SPAG6: variants seen among roughly 807,000 people sequenced by gnomAD.
SPAG6 encodes sperm associated antigen 6.
Under a neutral mutation model 58.5 loss-of-function variants are expected in SPAG6, and 49 were observed. That is an observed-to-expected ratio of 0.84 (90% CI 0.67 to 1.06). The LOEUF (loss-of-function observed/expected upper bound fraction) is 1.06, where lower values mean the gene tolerates loss of function less well. SPAG6 is among the 50% of genes least tolerant of loss of function. The pLI is 0.00. For missense variants in SPAG6, 560 were observed against 611.3 expected (o/e 0.92, Z 0.89); for synonymous variants, 233 against 225.6 (o/e 1.03, Z -0.29).
intron 4 of SPAG6, among the ~76,000 whole-genome samples, chr10:22,369,523 A>G (rs1369771514): frequency 6.6e-6 from 1 of 152,196 alleles, no homozygotes; most frequent in Non-Finnish European, 1.5e-5. Context: ...GCAGAAGAGT[A>G]AAGCAGCAAT....
chr10:22,386,776 T>C lies in SPAG6; in HGVS notation c.495T>C (p.Asp165=). 6.2e-7 allele frequency: 1 copy of C among 1,613,572 alleles called. No individual in the cohort carries two copies. The change falls in exon 5 of 11, where the codon GAT becomes GAC. Residue 165 remains aspartate (D), a synonymous_variant. Coordinates refer to ENST00000376624, the MANE Select transcript of SPAG6 (RefSeq NM_012443.4). ...HNAELSQAVV[D]AGAVPLLVLC... ...CAGAACTGTCACAAGCTGTGGTGGA[T>C]GCAGGAGCTGTTCCTCTTTTAGTAC...
At chr10:22,398,737 A>T (rs1387182939) in intron 8 of SPAG6, among the ~76,000 whole-genome samples, 3 of 152,216 alleles carry the variant, frequency 2.0e-5, no homozygotes, top group African/African-American at 7.2e-5. Flanking sequence ...TTTAAAAAAG[A>T]AAAGGTTAAC....
Position 22,345,938 on chromosome 10 carries a change from A to G in SPAG6, c.121+120A>G. 1 of 1,562,550 alleles carries G rather than the reference A, an allele frequency of 6.4e-7. No individual in the cohort carries two copies. Among genetic ancestry groups the G allele is most frequent in the Non-Finnish European group, 8.7e-7 (1 of 1,153,922 alleles). On this transcript the variant is annotated intron_variant, in intron 2 of 10. Coordinates refer to ENST00000376624, the MANE Select transcript of SPAG6 (RefSeq NM_012443.4). This position sits in a 1 kb window ranked among gnomAD's most constrained non-coding sequence, Gnocchi z 6.3. ...CAGTGTGGGGACCGGAGTTCGCAAA[A>G]GCATCCATTCTTTTCAGCGGGTCTT...
At chr10:22,392,209 A>G (rs1325577321) in intron 8 of SPAG6, among the ~76,000 whole-genome samples, 2 of 152,104 alleles carry the variant, frequency 1.3e-5, no homozygotes, top group African/African-American at 2.4e-5. Flanking sequence ...GAATAATAGA[A>G]TTTTTTAGTT....
At chr10:22,354,334 C>T (rs141409116) in intron 2 of SPAG6, among the ~76,000 whole-genome samples, 4 of 152,232 alleles carry the variant, frequency 2.6e-5, no homozygotes, top group African/African-American at 9.6e-5. Context: ...CAAGATGCCT[C>T]CTGGACTTCT....
chr10:22,412,284 A>C (rs1362586515), intron 10 of SPAG6, among the ~76,000 whole-genome samples: 3 of 152,382 alleles, frequency 2.0e-5, no homozygotes, highest in Non-Finnish European at 4.4e-5. Context: ...AATTTTTAAA[A>C]CTTACATGCT....
At chr10:22,397,027 G>GT (rs942345831) in intron 8 of SPAG6, among the ~76,000 whole-genome samples, 2 of 152,098 alleles carry the variant, frequency 1.3e-5, no homozygotes, top group African/African-American at 4.8e-5. Context: ...AAATAGGAGA[G>GT]TTTTTTTGAC....
chr10:22,396,195 A>T (rs990651076), intron 8 of SPAG6, among the ~76,000 whole-genome samples: 7 of 152,176 alleles, frequency 4.6e-5, no homozygotes, highest in Non-Finnish European at 1.0e-4. Flanking sequence ...TCCCCAGCCA[A>T]ATCTCATCTT....
chr10:22,413,296 G>C (rs1564383881), intron 10 of SPAG6, among the ~76,000 whole-genome samples: 1 of 151,942 alleles, frequency 6.6e-6, no homozygotes, highest in African/African-American at 2.4e-5. Flanking sequence ...CACTTTGGGA[G>C]GCCGAGGCGT....
chr10:22,385,045 A>G (rs2132078176), intron 4 of SPAG6, among the ~76,000 whole-genome samples: 1 of 152,296 alleles, frequency 6.6e-6, no homozygotes, highest in Non-Finnish European at 1.5e-5. Flanking sequence ...TATATATTCC[A>G]GGTGTGCTTA....
chr10:22,364,785 T>C, intron 2 of SPAG6, 68 bp from the exon 3 acceptor site: 1 of 1,183,674 alleles, frequency 8.4e-7, no homozygotes, highest in East Asian at 2.4e-5. Flanking sequence ...TCTGCATATA[T>C]ACTGAATTGT....
intron 2 of SPAG6, chr10:22,359,320 CA>C: frequency 6.0e-6 from 2 of 331,092 alleles, no homozygotes; most frequent in Non-Finnish European, 8.6e-6. Context: ...TAAAATGAAG[CA>C]TACTGTTGGA....
intron 2 of SPAG6, among the ~76,000 whole-genome samples, chr10:22,363,605 C>T (rs1481078425): frequency 6.6e-6 from 1 of 152,210 alleles, no homozygotes. Context: ...CTGTGATAAG[C>T]ATCACCGCTC....
chr10:22,389,010 A>G (rs1171221933), intron 6 of SPAG6, 150 bp from the exon 7 acceptor site: 4 of 626,660 alleles, frequency 6.4e-6, no homozygotes, highest in African/African-American at 1.8e-5. Flanking sequence ...TTGTACTTGT[A>G]TATTTCTTTA....
rs751414200 is a variant in SPAG6, at chr10:22,368,496, G to C, written c.290G>C (p.Arg97Pro). The change falls in exon 4 of 11, where the codon CGC (arginine) becomes CCC (proline). Residue 97 changes from arginine to proline, a missense_variant and splice_region_variant. Arg to Pro is a moderately radical substitution (Grantham distance 103). Coordinates refer to ENST00000376624, the MANE Select transcript of SPAG6 (RefSeq NM_012443.4). The stretch of plus-strand genomic sequence containing the variant: ...GTTTTGTCTGTTTGACCCTTGTAGC[G>C]CTTCTACAAGAAAGCAGCTGCCTTT... ...QLVYSLAEQN[R>P]FYKKAAAFVL... 6.2e-7 allele frequency: 1 copy of C among 1,612,252 alleles called. No individual in the cohort carries two copies. The highest frequency in any genetic ancestry group is 1.3e-5 in the African/African-American group (1 of 74,780).
In SPAG6 at chr10:22,345,854, GCAC is replaced by G; in HGVS notation, c.121+37_121+39del. The G allele has an allele frequency of 6.3e-7, 1 of 1,597,626 alleles. No homozygotes were observed. Among genetic ancestry groups the G allele is most frequent in the South Asian group, 1.1e-5 (1 of 89,012 alleles). ...AGCCCGAACCCCCGTCGCCCCCCGC[GCAC>G]TGAGTCCCCGACGCCTCCGCCCCGC... On this transcript the variant is annotated intron_variant, in intron 2 of 10. Transcript: ENST00000376624. The surrounding 1 kb of genome is among the most constrained non-coding windows in gnomAD (Gnocchi z 6.3).
At chr10:22,408,023 CT>C (rs893729578) in intron 9 of SPAG6, among the ~76,000 whole-genome samples, 1 of 140,338 alleles carries the variant, frequency 7.1e-6, no homozygotes, top group African/African-American at 2.9e-5. Flanking sequence ...ATTGGTTATT[CT>C]AGTTATACAT....
At chr10:22,375,958 A>G (rs1276469620) in intron 4 of SPAG6, among the ~76,000 whole-genome samples, 1 of 152,114 alleles carries the variant, frequency 6.6e-6, no homozygotes, top group Non-Finnish European at 1.5e-5. Context: ...ATTTCTCTGT[A>G]TCCCTTTTGA....
chr10:22,378,055 CTT>C (rs776198268), intron 4 of SPAG6, among the ~76,000 whole-genome samples: 89 of 123,002 alleles, frequency 7.2e-4, no homozygotes, highest in African/African-American at 2.4e-3. Context: ...CTTTTCTTTT[CTT>C]TTTTTTTTTT....
Sources: allele counts gnomAD v4.1 joint callset (sites outside exome capture counted in the v4.1 genomes callset), GRCh38; gene constraint gnomAD v4.1.1; non-coding constraint Gnocchi (gnomAD v3.1); transcripts MANE v1.5; gene names NCBI Gene and HGNC (gene_info 2026-07-23, HGNC 2026-07-21).